PHKA2: variants seen among roughly 807,000 people sequenced by gnomAD.
The protein encoded by PHKA2 is phosphorylase b kinase regulatory subunit alpha, liver isoform.
PHKA2 carries 31 observed loss-of-function variants against 102.0 expected under a neutral mutation model. The ratio of observed to expected loss-of-function variants is 0.30; its 90% CI spans 0.23 to 0.41. The LOEUF is 0.41. PHKA2 is among the 10% of genes least tolerant of loss of function. The pLI, the probability that PHKA2 is intolerant of heterozygous loss-of-function variation, is 1.00. For missense variants in PHKA2, 858 were observed against 1,023.1 expected (o/e 0.84, Z 2.20); for synonymous variants, 455 against 416.2 (o/e 1.09, Z -1.13).
intron 26 of PHKA2, among the ~76,000 whole-genome samples, chrX:18,903,925 C>A (rs1424833986): frequency 1.8e-5 from 2 of 111,799 alleles, no homozygotes; most frequent in African/African-American, 6.5e-5. Context: ...TGAAACTCTA[C>A]CAACTCGAGC....
chrX:18,906,806 G>C lies in PHKA2; in HGVS notation c.2606C>G (p.Pro869Arg), dbSNP rs777137574. The C allele has an allele frequency of 1.6e-5, 19 of 1,208,327 alleles. No homozygotes were observed. The highest frequency in any genetic ancestry group is 2.0e-5 in the Non-Finnish European group (18 of 891,980). Residue 869 changes from proline (P) to arginine (R), a missense_variant, in exon 24 of 33, where the codon CCC becomes CGC. Around this residue, in one of 2 missense-constraint regions of PHKA2, gnomAD observed 671 missense variants for 745.2 expected, o/e 0.90. Transcript: ENST00000379942. ...GATGAGTTTTGTGAGCTCCTCTGGGGGAAGGGGCCTAGAAAGGAGCATTGT... is the reference window on the plus strand; with the variant it reads ...GATGAGTTTTGTGAGCTCCTCTGGGCGAAGGGGCCTAGAAAGGAGCATTGT... Reference protein sequence around the residue: ...PREKIISAPLPPEELTKLIYE... With the variant: ...PREKIISAPLRPEELTKLIYE...
At chrX:18,900,526 C>A in intron 28 of PHKA2, 144 bp downstream of exon 28, 1 of 559,448 alleles carries the variant, frequency 1.8e-6, no homozygotes, top group South Asian at 2.4e-5. Flanking sequence ...GCCCTCGAGT[C>A]CTGCTCTCTG....
rs1404435604 is a variant in PHKA2, at chrX:18,952,505, T to C, written c.274A>G (p.Met92Val). The change falls in exon 3 of 33, where the codon ATG becomes GTG. Residue 92 changes from methionine (M) to valine (V), a missense_variant. Met to Val is a conservative substitution (Grantham distance 21). This residue lies in a region of PHKA2 where 187 missense variants were observed against 277.9 expected (regional missense o/e 0.67). Transcript: ENST00000379942. ...VKLMRGLLQC[M>V]MRQVAKVEKF... ...TGGGTTCTGCCTACCTGTCTCATCA[T>C]GCACTGGAGAAGACCTCGCATCAGC... 2 of 1,210,636 alleles carry C rather than the reference T, an allele frequency of 1.7e-6. No homozygotes were observed. Among genetic ancestry groups the C allele is most frequent in the African/African-American group, 3.5e-5 (2 of 57,820 alleles).
intron 3 of PHKA2, among the ~76,000 whole-genome samples, chrX:18,951,937 T>G (rs1358380915): frequency 9.1e-6 from 1 of 109,803 alleles, no homozygotes; most frequent in Non-Finnish European, 1.9e-5. Flanking sequence ...TGTTTTCTTC[T>G]CCATTAAAAA....
chrX:18,982,298 C>A (rs1403671923), intron 1 of PHKA2, among the ~76,000 whole-genome samples: 1 of 111,797 alleles, frequency 8.9e-6, no homozygotes, highest in Non-Finnish European at 1.9e-5. Flanking sequence ...CGTAAGTTTG[C>A]AGCAAGCTCT....
intron 20 of PHKA2, among the ~76,000 whole-genome samples, chrX:18,910,019 G>A (rs1294507726): frequency 8.9e-6 from 1 of 112,726 alleles, no homozygotes; most frequent in Non-Finnish European, 1.9e-5. Flanking sequence ...GAGTCTGTTC[G>A]TGTGGGGTAG....
At chrX:18,899,419 TC>T (rs1489241596) in intron 28 of PHKA2, among the ~76,000 whole-genome samples, 193 bp from the exon 29 acceptor site, 1 of 112,591 alleles carries the variant, frequency 8.9e-6, no homozygotes, top group African/African-American at 3.2e-5. Flanking sequence ...GCTCTGGGCT[TC>T]GACTCCACGT....
Position 18,983,851 on chromosome X carries a change from T to G in PHKA2, c.78+4A>C. The G allele has an allele frequency of 8.3e-7, 1 of 1,206,611 alleles. No homozygotes were observed. Among genetic ancestry groups the G allele is most frequent in the African/African-American group, 1.7e-5 (1 of 57,886 alleles). On this transcript the variant is annotated splice_donor_region_variant and intron_variant, in intron 1 of 32. Transcript: ENST00000379942. ...CGCGTTCCCTGGGGGCGGTCCCTCC[T>G]TACCTGGTAACACAGGATGGTTTGC...
chrX:18,973,437 T>C (rs1280460009), intron 1 of PHKA2, among the ~76,000 whole-genome samples: 1 of 112,206 alleles, frequency 8.9e-6, no homozygotes, highest in Non-Finnish European at 1.9e-5. Context: ...TTATAGTAAA[T>C]TTCCTTGTAT....
chrX:18,929,418 CT>C (rs2048277401), intron 12 of PHKA2, 112 bp from the exon 13 acceptor site: 1 of 553,600 alleles, frequency 1.8e-6, no homozygotes, highest in Non-Finnish European at 3.1e-6. Flanking sequence ...AGACTTTTTT[CT>C]TTATATTTTT....
intron 11 of PHKA2, 144 bp from the exon 12 acceptor site, chrX:18,931,892 A>C: frequency 1.9e-6 from 1 of 537,893 alleles, no homozygotes; most frequent in Non-Finnish European, 3.3e-6. Context: ...GCTGGGGAGC[A>C]AGCCCCTTCC....
chrX:18,896,718 G>A (rs2047564066), intron 30 of PHKA2: 1 of 213,622 alleles, frequency 4.7e-6, no homozygotes, highest in Non-Finnish European at 8.7e-6. Flanking sequence ...TGTAGGTGCT[G>A]CTCTGGGTGG....
In PHKA2 at chrX:18,933,888, A is replaced by G. The variant is rs1241838347; in HGVS notation, c.1138-2140T>C. On this transcript the variant is annotated intron_variant, in intron 11 of 32. Transcript: ENST00000379942. ...ACAGAAAGTCACAGAGTAATTTTTT[A>G]CAATGTGTAGTCAGCACTGTTCATC... Among the ~76,000 whole-genome samples the G allele has an allele frequency of 7.1e-5, 8 of 112,161 alleles. No individual in the cohort carries two copies. The Admixed American group carries it at 7.6e-4, about 11-fold the overall frequency.
chrX:18,979,671 A>C (rs758174595), intron 1 of PHKA2, among the ~76,000 whole-genome samples: 1 of 112,121 alleles, frequency 8.9e-6, no homozygotes, highest in Non-Finnish European at 1.9e-5. Context: ...TCTTTGCATT[A>C]AAGATTCAAA....
intron 17 of PHKA2, among the ~76,000 whole-genome samples, chrX:18,922,678 A>T (rs925369142): frequency 9.5e-6 from 1 of 105,737 alleles, no homozygotes; most frequent in Non-Finnish European, 1.9e-5. Flanking sequence ...GGAGGCAGAA[A>T]GGCTGGTGGT....
intron 29 of PHKA2, chrX:18,898,024 CAG>C (rs1270072112): frequency 8.8e-6 from 1 of 113,074 alleles, no homozygotes; most frequent in African/African-American, 3.2e-5. Flanking sequence ...ACAGGAACCA[CAG>C]AGAAGGCAAT....
rs753106449 is a variant in PHKA2, at chrX:18,900,689, C to T, written c.3038G>A (p.Arg1013Gln). 133 of 1,207,138 alleles carry T rather than the reference C, an allele frequency of 1.1e-4. No homozygotes were observed. The Admixed American group carries it at 2.0e-3, about 18-fold the overall frequency. ...TGTCACCTGTTCATCAGCACTAAAC[C>T]GCCTAGTCATCTGAAAGCAAAAATA... Reference protein sequence around the residue: ...LRSEMKQMTRRFSADEQFFSV... With the variant: ...LRSEMKQMTRQFSADEQFFSV... The change falls in exon 28 of 33, where the codon CGG (arginine) becomes CAG (glutamine). Residue 1013 changes from arginine (R) to glutamine (Q), a missense_variant. This residue lies in a region of PHKA2 where 671 missense variants were observed against 745.2 expected (regional missense o/e 0.90). Transcript: ENST00000379942.
At chrX:18,982,027 G>T (rs2049177114) in intron 1 of PHKA2, among the ~76,000 whole-genome samples, 1 of 111,871 alleles carries the variant, frequency 8.9e-6, no homozygotes, top group African/African-American at 3.3e-5. Context: ...TCACAGTCAT[G>T]AAGGGAAAGG....
At chrX:18,919,899 A>C in intron 18 of PHKA2, 133 bp downstream of exon 18, 1 of 558,013 alleles carries the variant, frequency 1.8e-6, no homozygotes, top group Admixed American at 2.7e-5. Context: ...CAAGTTTCAG[A>C]AGCCTCTTTT....
Sources: allele counts gnomAD v4.1 joint callset (sites outside exome capture counted in the v4.1 genomes callset), GRCh38; gene constraint gnomAD v4.1.1; regional missense constraint gnomAD v4.1.1; transcripts MANE v1.5; gene names NCBI Gene and HGNC (gene_info 2026-07-23, HGNC 2026-07-21).